Variants in HERC1 observed in about 807,000 individuals in gnomAD.
The protein encoded by HERC1 is HECT and RLD domain containing E3 ubiquitin protein ligase family member 1, also known as probable E3 ubiquitin-protein ligase HERC1.
Under a neutral mutation model 554.3 loss-of-function variants are expected in HERC1, and 160 were observed. The ratio of observed to expected loss-of-function variants is 0.29; its 90% CI spans 0.25 to 0.33. The LOEUF (loss-of-function observed/expected upper bound fraction) is 0.33. HERC1 is among the 10% of genes least tolerant of loss of function. The pLI is 1.00. For missense variants in HERC1, 4,919 were observed against 5,918.5 expected (o/e 0.83, Z 5.54); for synonymous variants, 2,175 against 2,131.7 (o/e 1.02, Z -0.56).
At chr15:63,808,679 A>G (rs911424132) in intron 1 of HERC1, among the ~76,000 whole-genome samples, 6 of 152,222 alleles carry the variant, frequency 3.9e-5, no homozygotes, top group Non-Finnish European at 5.9e-5. Context: ...TTACGGTAAT[A>G]GATACAATTA....
At position 63,612,838 on chromosome 15, in the gene HERC1, C is replaced by T. The variant is rs1365281409; in HGVS notation, c.14095-282G>A. On this transcript the variant is annotated intron_variant, in intron 76 of 77. Transcript: ENST00000443617. This position sits in a 1 kb window ranked among gnomAD's most constrained non-coding sequence, Gnocchi z 5.0. ...CCCTCTACCACAAAATCTCAGCCCA[C>T]TGGGGCCTTCCCTGATGCCAGCCCC... 6.6e-6 allele frequency among the ~76,000 whole-genome samples: 1 copy of T among 152,218 alleles called. No homozygotes were observed. Among genetic ancestry groups the T allele is most frequent in the South Asian group, 2.1e-4 (1 of 4,830 alleles).
At chr15:63,826,205 A>G (rs2077896136) in intron 1 of HERC1, among the ~76,000 whole-genome samples, 1 of 152,244 alleles carries the variant, frequency 6.6e-6, no homozygotes, top group Admixed American at 6.5e-5. Flanking sequence ...GTTGCTGGGC[A>G]GCACTTGTTA....
intron 11 of HERC1, 40 bp downstream of exon 11, chr15:63,747,680 GCGCA>G: frequency 8.6e-7 from 1 of 1,162,936 alleles, no homozygotes. Context: ...ACACACGCGC[GCGCA>G]CACACACACA....
chr15:63,659,655 T>TTTA, intron 47 of HERC1, 81 bp downstream of exon 47: 3 of 948,020 alleles, frequency 3.2e-6, no homozygotes, highest in South Asian at 1.5e-5. Flanking sequence ...TTACTTTTAC[T>TTTA]TTATTATTAT....
intron 27 of HERC1, among the ~76,000 whole-genome samples, chr15:63,695,540 C>G (rs569436797): frequency 3.5e-4 from 53 of 152,148 alleles, no homozygotes; most frequent in African/African-American, 1.2e-3. Flanking sequence ...GCGCCCACCA[C>G]CACGCCCAGC....
At chr15:63,623,437 T>C (rs572484653) in intron 73 of HERC1, among the ~76,000 whole-genome samples, 2 of 152,334 alleles carry the variant, frequency 1.3e-5, no homozygotes, top group East Asian at 3.9e-4. Context: ...GTTACATAAA[T>C]GTACATATAT....
intron 24 of HERC1, among the ~76,000 whole-genome samples, chr15:63,708,505 G>A (rs1181763789): frequency 6.6e-6 from 1 of 152,126 alleles, no homozygotes; most frequent in Non-Finnish European, 1.5e-5. Flanking sequence ...CAGAAACGAG[G>A]GAGCTAGGGA....
intron 48 of HERC1, among the ~76,000 whole-genome samples, chr15:63,657,028 T>G (rs975100912): frequency 2.6e-5 from 4 of 152,212 alleles, no homozygotes; most frequent in African/African-American, 9.7e-5. Flanking sequence ...ATTTAAGTAT[T>G]TCTGTTGGAT....
chr15:63,804,583 T>G (rs2077081692), intron 1 of HERC1, among the ~76,000 whole-genome samples: 1 of 144,986 alleles, frequency 6.9e-6, no homozygotes, highest in South Asian at 2.2e-4. Context: ...CAAAACTGTC[T>G]CAAAAAAAAA....
In HERC1 at chr15:63,666,465, T is replaced by C; in HGVS notation, c.8214A>G (p.Ser2738=). 6.3e-7 allele frequency: 1 copy of C among 1,597,052 alleles called. No individual in the cohort carries two copies. Among genetic ancestry groups the C allele is most frequent in the Non-Finnish European group, 8.6e-7 (1 of 1,169,268 alleles). The change falls in exon 41 of 78, where the codon TCA becomes TCG. Residue 2738 remains serine (S), a synonymous_variant. Transcript: ENST00000443617. ...AAGTTGAAAGTCTACTGCTTGGGTCTGACAAGGCTGAGACAAAAGGAAGAG... is the reference window on the plus strand; with the variant it reads ...AAGTTGAAAGTCTACTGCTTGGGTCCGACAAGGCTGAGACAAAAGGAAGAG... ...SARPANRTAL[S]DPSSRLSTSP...
At chr15:63,702,141 C>T (rs138563290) in intron 25 of HERC1, among the ~76,000 whole-genome samples, 30 of 152,252 alleles carry the variant, frequency 2.0e-4, no homozygotes, top group African/African-American at 4.3e-4. Context: ...AACATGCCAT[C>T]ATGTACTTGC....
intron 26 of HERC1, among the ~76,000 whole-genome samples, chr15:63,698,051 G>C (rs1567026079): frequency 6.6e-6 from 1 of 152,142 alleles, no homozygotes; most frequent in Non-Finnish European, 1.5e-5. Context: ...GGTCTTGATT[G>C]CAGCAATTAT....
At chr15:63,706,295 T>A (rs1332737356) in intron 25 of HERC1, among the ~76,000 whole-genome samples, 2 of 152,046 alleles carry the variant, frequency 1.3e-5, no homozygotes, top group Non-Finnish European at 2.9e-5. Context: ...AAGCATCTCT[T>A]ACATGCTTTA....
At chr15:63,813,909 A>C (rs1220458551) in intron 1 of HERC1, among the ~76,000 whole-genome samples, 1 of 152,132 alleles carries the variant, frequency 6.6e-6, no homozygotes, top group African/African-American at 2.4e-5. Flanking sequence ...AAATGCAAAA[A>C]TTAGCAGGGC....
At chr15:63,667,687 A>G (rs2070710790) in intron 40 of HERC1, among the ~76,000 whole-genome samples, 1 of 152,242 alleles carries the variant, frequency 6.6e-6, no homozygotes, top group Non-Finnish European at 1.5e-5. Flanking sequence ...ATGAAGTGGT[A>G]CAATATCACC....
chr15:63,683,989 T>G (rs1477174937), intron 34 of HERC1, among the ~76,000 whole-genome samples: 1 of 152,142 alleles, frequency 6.6e-6, no homozygotes, highest in East Asian at 1.9e-4. Context: ...TGAACAAAAC[T>G]CAAAATCTGG....
chr15:63,783,729 T>C (rs1341445913), intron 1 of HERC1, among the ~76,000 whole-genome samples: 3 of 152,160 alleles, frequency 2.0e-5, no homozygotes, highest in Admixed American at 1.3e-4. Flanking sequence ...TGAATTCCTT[T>C]GAGAATCTGA....
intron 1 of HERC1, among the ~76,000 whole-genome samples, chr15:63,799,033 A>T (rs1340097518): frequency 6.6e-6 from 1 of 152,240 alleles, no homozygotes; most frequent in East Asian, 1.9e-4. Flanking sequence ...ACTTTTTAAG[A>T]TACGTTTCAG....
At chr15:63,762,012 T>C (rs1219844700) in intron 3 of HERC1, among the ~76,000 whole-genome samples, 1 of 152,204 alleles carries the variant, frequency 6.6e-6, no homozygotes, top group Non-Finnish European at 1.5e-5. Flanking sequence ...TCAGTAGCAG[T>C]AAGCATTTCT....
Sources: allele counts gnomAD v4.1 joint callset (sites outside exome capture counted in the v4.1 genomes callset), GRCh38; gene constraint gnomAD v4.1.1; non-coding constraint Gnocchi (gnomAD v3.1); transcripts MANE v1.5; gene names NCBI Gene and HGNC (gene_info 2026-07-23, HGNC 2026-07-21).